The following PHACTR1 variants were observed in gnomAD, a reference collection of about 807,000 sequenced individuals.
PHACTR1 encodes RPEL repeat containing 1.
PHACTR1 carries 16 observed loss-of-function variants against 69.2 expected under a neutral mutation model. The observed-to-expected ratio is 0.23, with a 90% confidence interval of 0.16 to 0.35. PHACTR1 has a LOEUF of 0.35. PHACTR1 is among the 10% of genes least tolerant of loss of function. The probability of loss-of-function intolerance (pLI) is 1.00; values close to 1 mark genes in which losing one functional copy is unlikely to be tolerated. For synonymous variants in PHACTR1, 312 were observed against 284.5 expected, an observed-to-expected ratio of 1.10 and a Z score of -0.97; for missense variants, 510 against 734.7, an observed-to-expected ratio of 0.69 and a Z score of 3.54.
chr6:12,890,082 C>G (rs1784031188), intron 4 of PHACTR1, among the ~76,000 whole-genome samples: 1 of 152,144 alleles, frequency 6.6e-6, no homozygotes, highest in Admixed American at 6.6e-5. Context: ...GCATTCCCGC[C>G]TGAGCTCCAT....
At chr6:13,052,725 T>A (rs1221611523) in intron 4 of PHACTR1, among the ~76,000 whole-genome samples, 2 of 152,144 alleles carry the variant, frequency 1.3e-5, no homozygotes, top group African/African-American at 2.4e-5. Flanking sequence ...ATTTTTTTTT[T>A]AAGCAAGACT....
rs529595338 is a variant in PHACTR1 at position 12,949,009 on chromosome 6, G to A, written c.251-104356G>A. Among the ~76,000 whole-genome samples, 17 of 152,252 alleles carry A rather than the reference G, an allele frequency of 1.1e-4. No homozygotes were observed. In the South Asian group the frequency reaches 1.2e-3, roughly 11 times the overall value. ...AAATGGGCCAGGCGCAATGGCTCAC[G>A]CCTGTAATCCCAGCACTTTTGGAGG... is the stretch of plus-strand genomic sequence containing the variant. On this transcript the variant is annotated intron_variant, in intron 4 of 14. Coordinates refer to ENST00000332995, the MANE Select transcript of PHACTR1 (RefSeq NM_030948.6).
At chr6:13,207,509 C>T (rs552244967) in intron 8 of PHACTR1, among the ~76,000 whole-genome samples, 17 of 152,310 alleles carry the variant, frequency 1.1e-4, no homozygotes, top group African/African-American at 3.6e-4. Context: ...CCTGCAGCCA[C>T]GACCCTAACT....
intron 5 of PHACTR1, among the ~76,000 whole-genome samples, chr6:13,156,949 G>T (rs556473148): frequency 6.7e-4 from 102 of 152,278 alleles, no homozygotes; most frequent in African/African-American, 2.2e-3. Context: ...CTAGATGCCT[G>T]TAATCACCTA....
intron 4 of PHACTR1, among the ~76,000 whole-genome samples, chr6:12,984,288 C>T (rs1389720230): frequency 6.6e-6 from 1 of 152,202 alleles, no homozygotes; most frequent in Non-Finnish European, 1.5e-5. Context: ...TAGATTAAAA[C>T]CTAACTAGTC....
At chr6:13,088,662 AC>A (rs1463206558) in intron 5 of PHACTR1, among the ~76,000 whole-genome samples, 2 of 151,998 alleles carry the variant, frequency 1.3e-5, no homozygotes, top group Non-Finnish European at 2.9e-5. Flanking sequence ...CTTTGTTTTG[AC>A]CCTAGTTTCT....
rs375148607 is a variant in PHACTR1, at chr6:13,002,649, G to A, written c.251-50716G>A. On this transcript the variant is annotated intron_variant, in intron 4 of 14. Coordinates refer to ENST00000332995, the MANE Select transcript of PHACTR1 (RefSeq NM_030948.6). ...ACTTGGCTGTACCAATGCCTGCCTC[G>A]AGAGTCAACTCTAAATGAATGTAAT... Among the ~76,000 whole-genome samples the A allele has an allele frequency of 7.9e-5, 12 of 152,288 alleles. No individual in the cohort carries two copies. In the East Asian group the frequency reaches 1.9e-3, roughly 24 times the overall value.
In PHACTR1 at chr6:13,275,667, C is replaced by G. The variant is rs1778744965; in HGVS notation, c.1448-2601C>G. On this transcript the variant is annotated intron_variant, in intron 11 of 14. Transcript: ENST00000332995. This position sits in a 1 kb window ranked among gnomAD's most constrained non-coding sequence, Gnocchi z 4.0. ...GAGCCAGGTAGGGTGTGACTGGCCA[C>G]TTAACACCCCTGAGGCTTCAGATCC... The G allele has an allele frequency of 6.6e-6, 1 of 152,150 alleles. No homozygotes were observed. Among genetic ancestry groups the G allele is most frequent in the Non-Finnish European group, 1.5e-5 (1 of 68,064 alleles). 9.4% of individuals were successfully genotyped at this position (152,150 alleles called of 1,614,324 possible). A position where few individuals can be genotyped will look rare whatever the true frequency, so the allele number is the denominator to read the frequency against.
chr6:13,070,980 G>A (rs1206562716), intron 5 of PHACTR1, among the ~76,000 whole-genome samples: 3 of 91,322 alleles, frequency 3.3e-5, no homozygotes, highest in Non-Finnish European at 4.3e-5. Context: ...ATATAAAGTA[G>A]CCTTAATAAT....
intron 4 of PHACTR1, among the ~76,000 whole-genome samples, chr6:12,848,024 A>T (rs1306000201): frequency 6.6e-6 from 1 of 152,180 alleles, no homozygotes; most frequent in Non-Finnish European, 1.5e-5. Context: ...CTGAGACTGC[A>T]GCTGATCATT....
intron 4 of PHACTR1, among the ~76,000 whole-genome samples, chr6:12,990,352 T>C (rs375200242): frequency 2.4e-4 from 37 of 152,288 alleles, no homozygotes; most frequent in African/African-American, 8.9e-4. Flanking sequence ...TTGGGCCCTG[T>C]TGAGACTGAA....
chr6:13,231,148 AAGGAAAGAGAAAGAGC>A (rs1770995850), intron 10 of PHACTR1, among the ~76,000 whole-genome samples: 2 of 147,596 alleles, frequency 1.4e-5, no homozygotes, highest in African/African-American at 5.1e-5. Context: ...AGAAAGAAAG[AAGGAAAGAGAAAGAGC>A]GAAAGAGGAG....
At chr6:12,845,145 G>A (rs1336749536) in intron 4 of PHACTR1, among the ~76,000 whole-genome samples, 1 of 152,138 alleles carries the variant, frequency 6.6e-6, no homozygotes, top group Admixed American at 6.5e-5. Flanking sequence ...AAAATTGTGG[G>A]TTTTTAAAAA....
At chr6:12,975,959 A>T (rs1388606767) in intron 4 of PHACTR1, among the ~76,000 whole-genome samples, 1 of 152,240 alleles carries the variant, frequency 6.6e-6, no homozygotes, top group Admixed American at 6.5e-5. Context: ...TCCATTGAAA[A>T]GATTTGGCAT....
At chr6:13,048,346 G>C (rs1017119916) in intron 4 of PHACTR1, among the ~76,000 whole-genome samples, 5 of 152,158 alleles carry the variant, frequency 3.3e-5, no homozygotes, top group African/African-American at 1.2e-4. Flanking sequence ...AGCCACCTTT[G>C]AGCAGGCCAA....
chr6:12,966,393 C>A (rs1793507300), intron 4 of PHACTR1, among the ~76,000 whole-genome samples: 1 of 152,196 alleles, frequency 6.6e-6, no homozygotes, highest in South Asian at 2.1e-4. Context: ...TAACTTGTCC[C>A]TGGACATCCT....
rs983973399 is a variant in PHACTR1 at position 13,159,175 on chromosome 6, A to G, written c.416-1029A>G. Among the ~76,000 whole-genome samples, 4 of 152,096 alleles carry G rather than the reference A, an allele frequency of 2.6e-5. No homozygotes were observed. In the East Asian group the frequency reaches 7.7e-4, roughly 29 times the overall value. On this transcript the variant is annotated intron_variant, in intron 5 of 14. Transcript: ENST00000332995. ...CTCCAGCCCCGCTGCCACCTTCCCA[A>G]GCACTTGACCTAGGTGCATGGTGGG...
chr6:12,780,698 G>A (rs1410480917), intron 4 of PHACTR1, among the ~76,000 whole-genome samples: 1 of 152,220 alleles, frequency 6.6e-6, no homozygotes, highest in Non-Finnish European at 1.5e-5. Context: ...CTGTATTTGA[G>A]GGCATGCATT....
intron 4 of PHACTR1, among the ~76,000 whole-genome samples, chr6:12,834,401 T>C (rs1004719749): frequency 6.6e-6 from 1 of 152,146 alleles, no homozygotes; most frequent in Non-Finnish European, 1.5e-5. Flanking sequence ...ATTCTCTAGG[T>C]TGACATTTCT....
Sources: allele counts gnomAD v4.1 joint callset (sites outside exome capture counted in the v4.1 genomes callset), GRCh38; gene constraint gnomAD v4.1.1; non-coding constraint Gnocchi (gnomAD v3.1); transcripts MANE v1.5; gene names NCBI Gene and HGNC (gene_info 2026-07-23, HGNC 2026-07-21).